Variants in FRS2 observed in about 807,000 individuals in gnomAD.
FRS2 encodes the protein fibroblast growth factor receptor substrate 2, also known as FGFR signalling adaptor.
In FRS2, 8 loss-of-function variants were observed where a neutral mutation model predicts 43.9. The ratio of observed to expected loss-of-function variants is 0.18; its 90% CI spans 0.11 to 0.33. The LOEUF is 0.33. FRS2 is among the 10% of genes least tolerant of loss of function. The probability of loss-of-function intolerance (pLI) is 1.00; values close to 1 mark genes in which losing one functional copy is unlikely to be tolerated. For missense variants in FRS2, 534 were observed against 627.6 expected, an observed-to-expected ratio of 0.85 and a Z score of 1.59; for synonymous variants, 219 against 220.3, an observed-to-expected ratio of 0.99 and a Z score of 0.05.
chr12:69,513,151 GTTT>G (rs5798937), intron 1 of FRS2, among the ~76,000 whole-genome samples: 1 of 147,056 alleles, frequency 6.8e-6, no homozygotes, highest in African/African-American at 2.5e-5. Flanking sequence ...TTTGGAGTTT[GTTT>G]TTTTTTTTTG....
chr12:69,557,827 A>G (rs1879556728), intron 3 of FRS2: 4 of 152,300 alleles, frequency 2.6e-5, no homozygotes, highest in Admixed American at 6.5e-5. Flanking sequence ...CAATGACTCC[A>G]GGATAGAGTT....
At chr12:69,471,298 C>T (rs1870269644) in intron 1 of FRS2, among the ~76,000 whole-genome samples, 3 of 151,882 alleles carry the variant, frequency 2.0e-5, no homozygotes, top group Admixed American at 1.3e-4. Flanking sequence ...CTAATCTACA[C>T]TCTTAATTCT....
intron 1 of FRS2, among the ~76,000 whole-genome samples, chr12:69,525,422 C>T (rs1876118317): frequency 6.6e-6 from 1 of 152,118 alleles, no homozygotes; most frequent in African/African-American, 2.4e-5. Context: ...CTGTGATCTG[C>T]ATTTCCTTAA....
At position 69,575,461 on chromosome 12, in the gene FRS2, TAAAGG is replaced by T. The variant is rs1881127790; in HGVS notation, c.*510_*514del. 6.5e-6 allele frequency: 1 copy of T among 153,746 alleles called. No individual in the cohort carries two copies. The highest frequency in any genetic ancestry group is 2.4e-5 in the African/African-American group (1 of 41,458). The allele number at this position is 153,746 out of a possible 1,614,324, so 9.5% of individuals were successfully genotyped here. A position where few individuals can be genotyped will look rare whatever the true frequency, so the allele number is the denominator to read the frequency against. ...TTTTTGACTTGAGCCAAAACATATG[TAAAGG>T]AAACAGAAGTACCGCACCTCCTCTT... On this transcript the variant is annotated 3_prime_UTR_variant, in exon 9 of 9. Coordinates refer to ENST00000549921, the MANE Select transcript of FRS2 (RefSeq NM_001278356.2).
intron 1 of FRS2, among the ~76,000 whole-genome samples, chr12:69,529,842 C>T (rs1406397416): frequency 6.6e-6 from 1 of 151,716 alleles, no homozygotes; most frequent in Non-Finnish European, 1.5e-5. Context: ...GGCGGATCAC[C>T]TGAGGTCAGG....
intron 4 of FRS2, among the ~76,000 whole-genome samples, chr12:69,564,729 T>G (rs1880144272): frequency 6.6e-6 from 1 of 152,220 alleles, no homozygotes; most frequent in Admixed American, 6.5e-5. Context: ...CTGATTTTCT[T>G]TCCTCTGAGC....
intron 1 of FRS2, among the ~76,000 whole-genome samples, chr12:69,524,940 G>A (rs1301735069): frequency 6.6e-6 from 1 of 152,132 alleles, no homozygotes; most frequent in Non-Finnish European, 1.5e-5. Flanking sequence ...CTAGTCCTGG[G>A]TGCCTGGTAG....
intron 3 of FRS2, among the ~76,000 whole-genome samples, chr12:69,548,240 G>A (rs1373022469): frequency 1.3e-5 from 2 of 152,154 alleles, no homozygotes; most frequent in Non-Finnish European, 2.9e-5. Flanking sequence ...AGACCAATTA[G>A]AAGGCTGTTG....
intron 1 of FRS2, among the ~76,000 whole-genome samples, chr12:69,484,235 C>G (rs1305857410): frequency 1.3e-5 from 2 of 152,054 alleles, no homozygotes; most frequent in Non-Finnish European, 2.9e-5. Context: ...CAGGCGCCCA[C>G]CACCACGCCC....
intron 4 of FRS2, among the ~76,000 whole-genome samples, chr12:69,564,875 A>T (rs2135787726): frequency 6.6e-6 from 1 of 152,310 alleles, no homozygotes; most frequent in Non-Finnish European, 1.5e-5. Flanking sequence ...CATGGCATAC[A>T]AGGCTTTCAT....
chr12:69,570,392 C>T lies in FRS2; in HGVS notation c.128C>T (p.Thr43Ile). The change falls in exon 6 of 9, where the codon ACA becomes ATA. Residue 43 changes from threonine (T) to isoleucine (I), a missense_variant. Thr to Ile is a moderately conservative substitution (Grantham distance 89). Coordinates refer to ENST00000549921, the MANE Select transcript of FRS2 (RefSeq NM_001278356.2). ...LGSGIMELTD[T>I]ELILYTRKRD... ...TCTGGCATAATGGAACTTACAGACA[C>T]AGAACTGATTTTATACACCCGCAAA... 6.2e-7 allele frequency: 1 copy of T among 1,613,560 alleles called. No individual in the cohort carries two copies.
intron 1 of FRS2, among the ~76,000 whole-genome samples, chr12:69,507,936 A>G (rs1198208887): frequency 6.8e-6 from 1 of 147,968 alleles, no homozygotes; most frequent in Non-Finnish European, 1.5e-5. Flanking sequence ...AGGCAGGAGA[A>G]TTGCTTCAAC....
At chr12:69,528,875 T>A (rs1322572549) in intron 1 of FRS2, among the ~76,000 whole-genome samples, 1 of 152,218 alleles carries the variant, frequency 6.6e-6, no homozygotes, top group Non-Finnish European at 1.5e-5. Flanking sequence ...TATCTCTTGT[T>A]ACTGGCAGAG....
chr12:69,557,594 T>TTTTGTGTGTG (rs58679577), intron 3 of FRS2, among the ~76,000 whole-genome samples: 18 of 137,078 alleles, frequency 1.3e-4, no homozygotes, highest in African/African-American at 4.9e-4. Context: ...TGAAGGTTGA[T>TTTTGTGTGTG]TGTGTGTGTG....
intron 3 of FRS2, among the ~76,000 whole-genome samples, chr12:69,557,636 G>GCGCGCGCGCGCA (rs1309984475): frequency 1.4e-5 from 2 of 146,800 alleles, no homozygotes; most frequent in African/African-American, 5.2e-5. Context: ...GCGCGCGCGC[G>GCGCGCGCGCGCA]CAGGTGCATG....
At chr12:69,557,593 AT>A (rs146761960) in intron 3 of FRS2, among the ~76,000 whole-genome samples, 1 of 118,192 alleles carries the variant, frequency 8.5e-6, no homozygotes, top group Non-Finnish European at 1.8e-5. Context: ...CTGAAGGTTG[AT>A]TGTGTGTGTG....
At chr12:69,540,336 A>C (rs776434) in intron 3 of FRS2, among the ~76,000 whole-genome samples, 56,817 of 132,268 alleles carry the variant, frequency 0.43, 11,186 homozygotes, top group South Asian at 0.6. Context: ...TTGTAGTGCC[A>C]AAAAAAAAAA....
At chr12:69,502,172 G>A (rs1042717124) in intron 1 of FRS2, among the ~76,000 whole-genome samples, 4 of 151,976 alleles carry the variant, frequency 2.6e-5, no homozygotes, top group African/African-American at 4.8e-5. Flanking sequence ...TACCGTGTTG[G>A]CCAGGCTGGT....
intron 1 of FRS2, among the ~76,000 whole-genome samples, chr12:69,482,544 A>G (rs1871437160): frequency 6.6e-6 from 1 of 152,186 alleles, no homozygotes; most frequent in South Asian, 2.1e-4. Context: ...TTGGGAGCCT[A>G]CTATATTAGG....
Sources: gnomAD v4.1 joint callset for allele counts (sites outside exome capture counted in the v4.1 genomes callset) on GRCh38, gnomAD v4.1.1 for gene constraint, MANE v1.5 for transcripts, NCBI Gene and HGNC (gene_info 2026-07-23, HGNC 2026-07-21) for gene names.